The following STXBP5 variants were observed in gnomAD, a reference collection of about 807,000 sequenced individuals.
STXBP5 encodes the protein syntaxin binding protein 5.
Under a neutral mutation model 152.4 loss-of-function variants are expected in STXBP5, and 50 were observed. The observed-to-expected ratio is 0.33, with a 90% CI of 0.26 to 0.42. STXBP5 has a LOEUF of 0.42. Ranked by LOEUF, STXBP5 falls within the 10% of genes least tolerant of loss-of-function variation. The pLI is 1.00. For missense variants in STXBP5, 1,167 were observed against 1,388.6 expected (o/e 0.84, Z 2.54); for synonymous variants, 492 against 494.7 (o/e 0.99, Z 0.07).
At chr6:147,382,685 T>C (rs1562280486) in intron 26 of STXBP5, 93 bp from the exon 27 acceptor site, 2 of 1,311,860 alleles carry the variant, frequency 1.5e-6, no homozygotes, top group Admixed American at 4.1e-5. Flanking sequence ...GTATTACCAC[T>C]CAATCCAAAA....
chr6:147,388,292 A>G lies in STXBP5; in HGVS notation c.*3537A>G, dbSNP rs1183594121. On this transcript the variant is annotated 3_prime_UTR_variant, in exon 28 of 28. Transcript: ENST00000321680. ...AAACTGATCAGTTTTAAAACCTTTA[A>G]TAGGGTTTTATATAGATTTAAAAAA... is the stretch of plus-strand genomic sequence containing the variant. 6.6e-6 allele frequency: 1 copy of G among 151,726 alleles called. No individual in the cohort carries two copies. The highest frequency in any genetic ancestry group is 1.9e-4 in the East Asian group (1 of 5,174). The allele number at this position is 151,726 out of a possible 1,614,324, so 9.4% of individuals were successfully genotyped here. A position where few individuals can be genotyped will look rare whatever the true frequency, so the allele number is the denominator to read the frequency against.
At chr6:147,298,562 AG>A (rs1185422266) in intron 9 of STXBP5, among the ~76,000 whole-genome samples, 3 of 152,214 alleles carry the variant, frequency 2.0e-5, no homozygotes, top group Admixed American at 1.3e-4. Flanking sequence ...AACATTCTTG[AG>A]GAGAGATCAT....
chr6:147,243,954 A>C (rs921648866), intron 4 of STXBP5, among the ~76,000 whole-genome samples: 2 of 152,136 alleles, frequency 1.3e-5, no homozygotes, highest in Non-Finnish European at 2.9e-5. Flanking sequence ...TTTAAGATAG[A>C]TCAATTAATC....
chr6:147,338,686 C>T (rs1243401501), intron 19 of STXBP5, among the ~76,000 whole-genome samples: 1 of 150,782 alleles, frequency 6.6e-6, no homozygotes, highest in Admixed American at 6.6e-5. Flanking sequence ...TTTTAAAGAT[C>T]CCTTATTGTA....
chr6:147,259,117 T>A (rs1243553549), intron 4 of STXBP5, among the ~76,000 whole-genome samples: 3 of 152,118 alleles, frequency 2.0e-5, no homozygotes, highest in Non-Finnish European at 4.4e-5. Context: ...TATATATTTT[T>A]AAAAAAATAT....
Position 147,373,841 on chromosome 6 carries a change from A to C in STXBP5, c.3192A>C (p.Leu1064=). ...GGAQSLDREE[L]FGESSSGKAS... ...CACAATCTCTTGACAGAGAAGAACT[A>C]TGTAAGTTGATTTATTTAATTCGGA... Residue 1064 remains leucine, a splice_region_variant and synonymous_variant, in exon 26 of 28, where the codon CTA becomes CTC. Transcript: ENST00000321680. The C allele has an allele frequency of 6.2e-7, 1 of 1,604,286 alleles. No individual in the cohort carries two copies. Among genetic ancestry groups the C allele is most frequent in the Non-Finnish European group, 8.5e-7 (1 of 1,171,892 alleles).
At chr6:147,233,861 CTACTACTACTACTACTAT>C (rs1020930613) in intron 2 of STXBP5, among the ~76,000 whole-genome samples, 1 of 149,612 alleles carries the variant, frequency 6.7e-6, no homozygotes, top group Non-Finnish European at 1.5e-5. Context: ...ACTATTATGA[CTACTACTACTACTACTAT>C]TACTACTACT....
intron 2 of STXBP5, among the ~76,000 whole-genome samples, chr6:147,206,288 A>T (rs893919034): frequency 1.3e-5 from 2 of 152,234 alleles, no homozygotes; most frequent in African/African-American, 4.8e-5. Flanking sequence ...CATATATCCA[A>T]ATAGAGGTCT....
intron 25 of STXBP5, among the ~76,000 whole-genome samples, chr6:147,370,765 G>A (rs915799136): frequency 3.9e-5 from 6 of 151,946 alleles, no homozygotes; most frequent in Non-Finnish European, 7.4e-5. Context: ...CAGTTGAACT[G>A]TTTAGCTTCT....
intron 21 of STXBP5, 39 bp from the exon 22 acceptor site, chr6:147,353,284 A>T (rs764099633): frequency 1.4e-6 from 2 of 1,391,616 alleles, no homozygotes; most frequent in Non-Finnish European, 2.0e-6. Flanking sequence ...TATGAATCAA[A>T]TATTCTTCAG....
intron 16 of STXBP5, among the ~76,000 whole-genome samples, chr6:147,319,645 G>A (rs916700280): frequency 2.0e-5 from 3 of 151,922 alleles, no homozygotes; most frequent in East Asian, 1.9e-4. Flanking sequence ...TGGAAGTAGC[G>A]TTTGGTGTCA....
chr6:147,293,435 C>G (rs1268917127), intron 9 of STXBP5: 1 of 152,160 alleles, frequency 6.6e-6, no homozygotes, highest in African/African-American at 2.4e-5. Flanking sequence ...TACTATGCAG[C>G]CTAAATCGAG....
intron 23 of STXBP5, among the ~76,000 whole-genome samples, chr6:147,359,731 A>G (rs1275951704): frequency 1.3e-5 from 2 of 150,886 alleles, no homozygotes; most frequent in East Asian, 4.0e-4. Context: ...TGTTCTTGCG[A>G]TAGTTTACAG....
intron 22 of STXBP5, among the ~76,000 whole-genome samples, chr6:147,357,749 G>A (rs1006547894): frequency 3.3e-5 from 5 of 152,074 alleles, no homozygotes; most frequent in African/African-American, 9.7e-5. Flanking sequence ...ATGAAAAGGA[G>A]AAACCCAAAC....
chr6:147,337,932 G>T (rs1366157898), intron 19 of STXBP5, among the ~76,000 whole-genome samples: 1 of 152,030 alleles, frequency 6.6e-6, no homozygotes, highest in African/African-American at 2.4e-5. Flanking sequence ...GGTTTTACTC[G>T]GTCAGAGAAA....
chr6:147,274,886 G>A (rs1582876889), intron 7 of STXBP5, among the ~76,000 whole-genome samples: 1 of 152,030 alleles, frequency 6.6e-6, no homozygotes, highest in Non-Finnish European at 1.5e-5. Flanking sequence ...ATTAGTATAT[G>A]TGTAATGTAA....
intron 2 of STXBP5, among the ~76,000 whole-genome samples, chr6:147,209,188 G>A (rs568864202): frequency 1.3e-5 from 2 of 152,156 alleles, no homozygotes; most frequent in South Asian, 4.2e-4. Context: ...CAGAAAAATG[G>A]AATTTCAGGT....
chr6:147,230,850 C>T (rs118150890), intron 2 of STXBP5, among the ~76,000 whole-genome samples: 5,372 of 151,814 alleles, frequency 0.035, 147 homozygotes, highest in Admixed American at 0.054. Context: ...CAGAGCTTAT[C>T]GTAGAGAACT....
At chr6:147,258,456 C>T (rs1015565313) in intron 4 of STXBP5, among the ~76,000 whole-genome samples, 8 of 152,034 alleles carry the variant, frequency 5.3e-5, no homozygotes, top group African/African-American at 1.7e-4. Context: ...TTTTTTGAGA[C>T]GGATTCTTGC....
Sources: gnomAD v4.1 joint callset for allele counts (sites outside exome capture counted in the v4.1 genomes callset) on GRCh38, gnomAD v4.1.1 for gene constraint, MANE v1.5 for transcripts, NCBI Gene and HGNC (gene_info 2026-07-23, HGNC 2026-07-21) for gene names.